UGT1A10: variants seen among roughly 807,000 people sequenced by gnomAD.
UGT1A10 encodes the protein UDP-glucuronosyltransferase 1A10.
A neutral mutation model predicts 45.8 loss-of-function variants in UGT1A10; 49 were observed. The ratio of observed to expected loss-of-function variants is 1.07; its 90% CI spans 0.85 to 1.36. The LOEUF is 1.36. UGT1A10 is among the 40% of genes most tolerant of loss of function. UGT1A10 has a pLI of 0.00. For missense variants in UGT1A10, 745 were observed against 668.6 expected, an observed-to-expected ratio of 1.11 and a Z score of -1.26; for synonymous variants, 284 against 249.7, an observed-to-expected ratio of 1.14 and a Z score of -1.29.
chr2:233,736,073 G>A (rs972063908), intron 1 of UGT1A10, among the ~76,000 whole-genome samples: 1 of 152,142 alleles, frequency 6.6e-6, no homozygotes, highest in Non-Finnish European at 1.5e-5. Flanking sequence ...CTAGGTTTGG[G>A]AAGTTCTCCT....
At chr2:233,728,231 G>A (rs1452925850) in intron 1 of UGT1A10, among the ~76,000 whole-genome samples, 2 of 152,110 alleles carry the variant, frequency 1.3e-5, no homozygotes, top group Admixed American at 6.5e-5. Context: ...TAATCTTCAG[G>A]ATGAAATAAA....
At position 233,667,038 on chromosome 2, in the gene UGT1A10, C is replaced by G. The variant is rs189928058; in HGVS notation, c.855+29661C>G. ...TGTGTATGTGCCACATTTTCTTAAT[C>G]CAGTCTATCATTGTTGGACATTTGG... is the stretch of plus-strand genomic sequence containing the variant. On this transcript the variant is annotated intron_variant, in intron 1 of 4. Transcript: ENST00000344644. Among the ~76,000 whole-genome samples, 1,255 of 152,208 alleles carry G rather than the reference C, an allele frequency of 8.2e-3. 9 individuals carry two copies. The highest frequency in any genetic ancestry group is 0.028 in the African/African-American group (1,181 of 41,530).
At position 233,743,803 on chromosome 2, in the gene UGT1A10, G is replaced by T. The variant is rs568702968; in HGVS notation, c.856-23231G>T. 2.2e-6 allele frequency: 3 copies of T among 1,367,298 alleles called. No homozygotes were observed. In the South Asian group the frequency reaches 3.4e-5, roughly 16 times the overall value. The allele number at this position is 1,367,298 out of a possible 1,614,324, so 84.7% of individuals were successfully genotyped here. A position where few individuals can be genotyped will look rare whatever the true frequency, so the allele number is the denominator to read the frequency against. On this transcript the variant is annotated intron_variant, in intron 1 of 4. Coordinates refer to ENST00000344644, the MANE Select transcript of UGT1A10 (RefSeq NM_019075.4). ...TGAATCTCCTCTCCGCTTCCTCCTT[G>T]TTCTCAGGGTTTTTGTCGGGGTGCC...
intron 1 of UGT1A10, among the ~76,000 whole-genome samples, chr2:233,720,005 C>T (rs2076821394): frequency 6.6e-6 from 1 of 152,174 alleles, no homozygotes; most frequent in South Asian, 2.1e-4. Context: ...ACATTCAGAA[C>T]TGATCCATCC....
chr2:233,672,244 A>G (rs1355889439), intron 1 of UGT1A10: 1 of 1,613,862 alleles, frequency 6.2e-7, no homozygotes, highest in Non-Finnish European at 8.5e-7. Context: ...ACAAGTACGA[A>G]GTATATATTC....
In UGT1A10 at chr2:233,648,835, TA is replaced by T; in HGVS notation, c.855+11459del. 3 of 1,114,518 alleles carry T rather than the reference TA, an allele frequency of 2.7e-6. No homozygotes were observed. In the East Asian group the frequency reaches 9.8e-5, roughly 36 times the overall value. 69.0% of individuals were successfully genotyped at this position (1,114,518 alleles called of 1,614,324 possible). ...CTTAGAGGAGCATTTATTTTGCCCATATTTTTTCAAAAATGCCTTAAACATA... is the reference window on the plus strand; with the variant it reads ...CTTAGAGGAGCATTTATTTTGCCCATTTTTTTCAAAAATGCCTTAAACATA... On this transcript the variant is annotated intron_variant, in intron 1 of 4. Transcript: ENST00000344644.
At chr2:233,734,101 TATAATA>T (rs549143261) in intron 1 of UGT1A10, among the ~76,000 whole-genome samples, 1 of 151,280 alleles carries the variant, frequency 6.6e-6, no homozygotes, top group Admixed American at 6.6e-5. Context: ...AAACTTAAAG[TATAATA>T]ATAATAATAA....
At position 233,643,698 on chromosome 2, in the gene UGT1A10, C is replaced by T. The variant is rs573372608; in HGVS notation, c.855+6321C>T. On this transcript the variant is annotated intron_variant, in intron 1 of 4. Coordinates refer to ENST00000344644, the MANE Select transcript of UGT1A10 (RefSeq NM_019075.4). Reference sequence around the variant, plus strand: ...AGTAAGTCTCAGAGGCTCACCAAGGCCCTTGACGTAGTACGAGGTTTCACT... The same window carrying T: ...AGTAAGTCTCAGAGGCTCACCAAGGTCCTTGACGTAGTACGAGGTTTCACT... 7.2e-5 allele frequency among the ~76,000 whole-genome samples: 11 copies of T among 152,274 alleles called. No homozygotes were observed. In the South Asian group the frequency reaches 8.3e-4, roughly 11 times the overall value.
intron 1 of UGT1A10, among the ~76,000 whole-genome samples, chr2:233,716,742 A>T (rs2076523181): frequency 6.6e-6 from 1 of 152,156 alleles, no homozygotes; most frequent in Non-Finnish European, 1.5e-5. Context: ...GCTCTGTGAG[A>T]TTGGGAGAGG....
intron 1 of UGT1A10, among the ~76,000 whole-genome samples, chr2:233,695,158 A>G (rs2075269313): frequency 1.5e-5 from 2 of 134,270 alleles, no homozygotes; most frequent in African/African-American, 2.8e-5. Context: ...ACAGAGTCTC[A>G]CTCTGTCATC....
chr2:233,721,778 T>C (rs1223743047), intron 1 of UGT1A10: 3 of 503,204 alleles, frequency 6.0e-6, no homozygotes, highest in African/African-American at 5.8e-5. Context: ...TTAGCATTAT[T>C]CTCTGCATTT....
chr2:233,743,914 C>T lies in UGT1A10; in HGVS notation c.856-23120C>T, dbSNP rs201448352. On this transcript the variant is annotated intron_variant, in intron 1 of 4. Coordinates refer to ENST00000344644, the MANE Select transcript of UGT1A10 (RefSeq NM_019075.4). ...CGTCCAGCACCTCGTAGTAGTCCAC[C>T]ATGCTGGATGGCCAGAACGGCCCAC... is the stretch of plus-strand genomic sequence containing the variant. 797 of 1,364,624 alleles carry T rather than the reference C, an allele frequency of 5.8e-4. 20 individuals are homozygous for T. In the African/African-American group the frequency reaches 8.5e-3, roughly 15 times the overall value. The allele number at this position is 1,364,624 out of a possible 1,614,324, so 84.5% of individuals were successfully genotyped here.
chr2:233,723,484 C>A (rs6750992), intron 1 of UGT1A10, among the ~76,000 whole-genome samples: 60,000 of 128,836 alleles, frequency 0.47, 17,177 homozygotes, highest in African/African-American at 0.75. Context: ...TGCTAGGATT[C>A]CAGGTGTGAG....
intron 1 of UGT1A10, chr2:233,729,737 A>G (rs1236365518): frequency 6.2e-7 from 1 of 1,613,842 alleles, no homozygotes; most frequent in East Asian, 2.2e-5. Flanking sequence ...AATTCAGACC[A>G]CATGACATTC....
intron 1 of UGT1A10, chr2:233,682,900 T>C: frequency 6.6e-7 from 1 of 1,504,798 alleles, no homozygotes; most frequent in Non-Finnish European, 8.8e-7. Flanking sequence ...TTGGAATTTC[T>C]TTCTGGTTTA....
At chr2:233,644,742 G>T (rs1173543105) in intron 1 of UGT1A10, among the ~76,000 whole-genome samples, 1 of 151,774 alleles carries the variant, frequency 6.6e-6, no homozygotes, top group Admixed American at 6.5e-5. Context: ...TGTGGGTTCA[G>T]GGGGTTGGGT....
intron 1 of UGT1A10, among the ~76,000 whole-genome samples, chr2:233,726,280 G>C (rs906128531): frequency 6.6e-6 from 1 of 152,198 alleles, no homozygotes; most frequent in Non-Finnish European, 1.5e-5. Context: ...ATGGTCCCAG[G>C]TACTTGGGAG....
chr2:233,680,505 C>A (rs1043496833), intron 1 of UGT1A10, among the ~76,000 whole-genome samples: 1 of 152,136 alleles, frequency 6.6e-6, no homozygotes, highest in Non-Finnish European at 1.5e-5. Context: ...TGTGCTTCTA[C>A]AAGAATTATG....
At chr2:233,671,128 G>A (rs1048076128) in intron 1 of UGT1A10, among the ~76,000 whole-genome samples, 2 of 152,208 alleles carry the variant, frequency 1.3e-5, no homozygotes, top group African/African-American at 4.8e-5. Flanking sequence ...GACTGAGAGA[G>A]ACAAGTACAT....
Sources: allele counts gnomAD v4.1 joint callset (sites outside exome capture counted in the v4.1 genomes callset), GRCh38; gene constraint gnomAD v4.1.1; transcripts MANE v1.5; gene names NCBI Gene and HGNC (gene_info 2026-07-23, HGNC 2026-07-21).